Variants in DAAM1 observed in about 807,000 individuals in gnomAD.
DAAM1 encodes disheveled-associated activator of morphogenesis 1.
Under a neutral mutation model 130.0 loss-of-function variants are expected in DAAM1, and 52 were observed. The observed-to-expected ratio is 0.40, with a 90% CI of 0.32 to 0.50. DAAM1 has a LOEUF of 0.50. Ranked by LOEUF, DAAM1 falls within the 20% of genes least tolerant of loss-of-function variation. DAAM1 has a pLI of 0.61. For synonymous variants in DAAM1, 452 were observed against 444.5 expected (o/e 1.02, Z -0.21); for missense variants, 1,134 against 1,303.8 (o/e 0.87, Z 2.01).
intron 1 of DAAM1, among the ~76,000 whole-genome samples, chr14:59,257,133 G>A (rs551732482): frequency 5.3e-5 from 8 of 152,042 alleles, no homozygotes; most frequent in Non-Finnish European, 1.2e-4. Context: ...AAGTGCCTAA[G>A]GAGAACTTGA....
chr14:59,262,007 C>CGAA (rs1882179827), intron 1 of DAAM1, among the ~76,000 whole-genome samples: 1 of 151,924 alleles, frequency 6.6e-6, no homozygotes, highest in Non-Finnish European at 1.5e-5. Context: ...ATATGTTTCT[C>CGAA]CTCCCCTGCC....
intron 1 of DAAM1, among the ~76,000 whole-genome samples, chr14:59,230,286 G>T (rs147061082): frequency 6.0e-5 from 9 of 150,518 alleles, no homozygotes; most frequent in African/African-American, 1.9e-4. Context: ...TGCAGCCGAG[G>T]GGGGTGATGC....
chr14:59,292,652 A>T (rs1038179495), intron 3 of DAAM1, among the ~76,000 whole-genome samples: 1 of 152,224 alleles, frequency 6.6e-6, no homozygotes, highest in Non-Finnish European at 1.5e-5. Flanking sequence ...AAAGCACATT[A>T]ATTTTCCAGC....
At chr14:59,200,937 G>A (rs142184829) in intron 1 of DAAM1, among the ~76,000 whole-genome samples, 3,120 of 152,126 alleles carry the variant, frequency 0.021, 67 homozygotes, top group Non-Finnish European at 0.027. Context: ...CAAGGCGGGC[G>A]GATCACGAGG....
intron 3 of DAAM1, among the ~76,000 whole-genome samples, chr14:59,313,001 T>C (rs1884651522): frequency 6.6e-6 from 1 of 152,232 alleles, no homozygotes; most frequent in Non-Finnish European, 1.5e-5. Flanking sequence ...TATTCTCTTA[T>C]AGATGTCTAT....
In DAAM1 at chr14:59,322,925, A is replaced by C. The variant is rs748734798; in HGVS notation, c.474A>C (p.Leu158=). 6.2e-7 allele frequency: 1 copy of C among 1,613,754 alleles called. No individual in the cohort carries two copies. The highest frequency in any genetic ancestry group is 1.1e-5 in the South Asian group (1 of 91,038). Residue 158 remains leucine (L), a synonymous_variant, in exon 6 of 25, where the codon CTA becomes CTC. Transcript: ENST00000360909. ...CCAGATTCATCGACTTGGATGGCCT[A>C]TCATGTATCCTCAACTTTCTAAAGA... ...FVTRFIDLDG[L]SCILNFLKTM...
intron 3 of DAAM1, among the ~76,000 whole-genome samples, chr14:59,313,485 G>A (rs540373926): frequency 6.6e-6 from 1 of 152,322 alleles, no homozygotes; most frequent in East Asian, 1.9e-4. Context: ...CCAATCTTCA[G>A]TTTCAAGAAT....
At chr14:59,265,861 T>C (rs908482942) in intron 2 of DAAM1, 1 of 152,252 alleles carries the variant, frequency 6.6e-6, no homozygotes, top group African/African-American at 2.4e-5. Flanking sequence ...AAGCTTATGC[T>C]TGGAAATAAC....
intron 23 of DAAM1, among the ~76,000 whole-genome samples, chr14:59,366,610 G>T (rs985342580): frequency 6.6e-6 from 1 of 152,134 alleles, no homozygotes; most frequent in East Asian, 1.9e-4. Context: ...GTCATAGGAG[G>T]TCATCATACA....
In DAAM1 at chr14:59,331,881, A is replaced by C. The variant is rs777034288; in HGVS notation, c.1929A>C (p.Glu643Asp). 6.2e-6 allele frequency: 10 copies of C among 1,614,082 alleles called. No homozygotes were observed. The South Asian group carries it at 1.1e-4, about 18-fold the overall frequency. The change falls in exon 15 of 25, where the codon GAA (glutamate) becomes GAC (aspartate). Residue 643 changes from glutamate to aspartate, a missense_variant. Glu to Asp is a conservative substitution (Grantham distance 45). Coordinates refer to ENST00000360909, the MANE Select transcript of DAAM1 (RefSeq NM_001270520.2). Reference protein sequence around the residue: ...DTKVFKILDLEDLERTFSAYQ... With the variant: ...DTKVFKILDLDDLERTFSAYQ... Reference sequence around the variant, plus strand: ...AAGTCTTCAAAATTCTAGATCTTGAAGACCTGGAAAGAACCTTCTCTGCCT... The same window carrying C: ...AAGTCTTCAAAATTCTAGATCTTGACGACCTGGAAAGAACCTTCTCTGCCT...
intron 2 of DAAM1, among the ~76,000 whole-genome samples, chr14:59,280,056 G>T (rs904646144): frequency 6.6e-6 from 1 of 152,108 alleles, no homozygotes; most frequent in South Asian, 2.1e-4. Flanking sequence ...ACAGAAACTA[G>T]AAGAGCTAAA....
At chr14:59,316,323 C>T (rs983594082) in intron 4 of DAAM1, among the ~76,000 whole-genome samples, 5 of 152,150 alleles carry the variant, frequency 3.3e-5, no homozygotes, top group African/African-American at 4.8e-5. Flanking sequence ...ATAACATTTT[C>T]CTGCTGCTGG....
chr14:59,303,868 T>G (rs1884275930), intron 3 of DAAM1, among the ~76,000 whole-genome samples: 1 of 152,026 alleles, frequency 6.6e-6, no homozygotes, highest in African/African-American at 2.4e-5. Flanking sequence ...CGACTGTACT[T>G]CAGCCTAAGT....
intron 1 of DAAM1, among the ~76,000 whole-genome samples, chr14:59,256,927 A>G (rs1274128843): frequency 6.6e-6 from 1 of 152,226 alleles, no homozygotes; most frequent in Non-Finnish European, 1.5e-5. Context: ...TTGACTGAAT[A>G]TAAGATATTG....
chr14:59,348,857 A>T (rs544644971), intron 17 of DAAM1, among the ~76,000 whole-genome samples: 1 of 152,290 alleles, frequency 6.6e-6, no homozygotes, highest in East Asian at 1.9e-4. Context: ...CCGCCCCTGC[A>T]ACCTCTGCGG....
chr14:59,248,096 T>C (rs1274199992), intron 1 of DAAM1, among the ~76,000 whole-genome samples: 3 of 152,152 alleles, frequency 2.0e-5, no homozygotes, highest in Non-Finnish European at 4.4e-5. Context: ...TGAGTAGGAG[T>C]AATAATTTAA....
At chr14:59,217,912 A>T (rs1888639461) in intron 1 of DAAM1, among the ~76,000 whole-genome samples, 2 of 151,540 alleles carry the variant, frequency 1.3e-5, no homozygotes, top group South Asian at 4.2e-4. Context: ...ACTTGAACCC[A>T]GGAGGCGGAG....
chr14:59,217,207 C>A (rs981532730), intron 1 of DAAM1, among the ~76,000 whole-genome samples: 6 of 151,674 alleles, frequency 4.0e-5, no homozygotes, highest in African/African-American at 1.5e-4. Flanking sequence ...GGAGAGGCAG[C>A]CTGCTTGTCC....
intron 3 of DAAM1, among the ~76,000 whole-genome samples, chr14:59,308,505 T>G (rs1884453833): frequency 6.6e-6 from 1 of 152,054 alleles, no homozygotes; most frequent in Non-Finnish European, 1.5e-5. Context: ...CAATTCAGTG[T>G]CCGGTGAATT....
Sources: gnomAD v4.1 joint callset for allele counts (sites outside exome capture counted in the v4.1 genomes callset) on GRCh38, gnomAD v4.1.1 for gene constraint, MANE v1.5 for transcripts, NCBI Gene and HGNC (gene_info 2026-07-23, HGNC 2026-07-21) for gene names.